The following SRP72 variants were observed in gnomAD, a reference collection of about 807,000 sequenced individuals.
SRP72 encodes signal recognition particle subunit SRP72.
Under a neutral mutation model 96.3 loss-of-function variants are expected in SRP72, and 49 were observed. The observed-to-expected ratio is 0.51, with a 90% CI of 0.40 to 0.65. SRP72 has a LOEUF of 0.65. Ranked by LOEUF, SRP72 falls within the 30% of genes least tolerant of loss-of-function variation. The probability of loss-of-function intolerance (pLI) is 0.00; values close to 1 mark genes in which losing one functional copy is unlikely to be tolerated. For missense variants in SRP72, 736 were observed against 793.3 expected, an observed-to-expected ratio of 0.93 and a Z score of 0.87; for synonymous variants, 267 against 275.2, an observed-to-expected ratio of 0.97 and a Z score of 0.30.
intron 3 of SRP72, among the ~76,000 whole-genome samples, chr4:56,472,593 T>C (rs1471561877): frequency 6.6e-6 from 1 of 152,118 alleles, no homozygotes; most frequent in Non-Finnish European, 1.5e-5. Context: ...GTGATTTGCC[T>C]GCCTTGACCT....
chr4:56,473,201 A>G (rs1560675102), intron 3 of SRP72, among the ~76,000 whole-genome samples: 1 of 152,070 alleles, frequency 6.6e-6, no homozygotes, highest in Non-Finnish European at 1.5e-5. Flanking sequence ...GGTAAAGAAA[A>G]TCACTTTTCG....
chr4:56,491,275 A>T (rs73167391), intron 15 of SRP72, among the ~76,000 whole-genome samples, 156 bp from the exon 16 acceptor site: 89 of 152,312 alleles, frequency 5.8e-4, no homozygotes, highest in African/African-American at 2.1e-3. Context: ...ATGACTTGTT[A>T]TTGTATAGAA....
chr4:56,500,578 C>T lies in SRP72; in HGVS notation c.1721C>T (p.Pro574Leu). 3 of 1,613,796 alleles carry T rather than the reference C, an allele frequency of 1.9e-6. No individual in the cohort carries two copies. Among genetic ancestry groups the T allele is most frequent in the Non-Finnish European group, 1.7e-6 (2 of 1,179,840 alleles). The change falls in exon 18 of 19, where the codon CCA becomes CTA. Residue 574 changes from proline to leucine, a missense_variant. Physicochemically the swap from Pro to Leu is moderately conservative, Grantham distance 98. This residue lies in a region of SRP72 where 388 missense variants were observed against 431.8 expected (regional missense o/e 0.90). Transcript: ENST00000642900. ...TATGACCCAAAAGTTACCCCAGATC[C>T]AGAAAGATGGCTGCCAATGCGAGAA... ...KNYDPKVTPD[P>L]ERWLPMRERS... is the part of the protein sequence containing the mutation.
At chr4:56,487,424 T>G (rs1359019612) in intron 11 of SRP72, among the ~76,000 whole-genome samples, 1 of 152,196 alleles carries the variant, frequency 6.6e-6, no homozygotes, top group Admixed American at 6.5e-5. Context: ...TATGTTTAGT[T>G]TATTTTTTCA....
At chr4:56,478,124 C>A (rs965258569) in intron 6 of SRP72, among the ~76,000 whole-genome samples, 1 of 149,732 alleles carries the variant, frequency 6.7e-6, no homozygotes, top group Non-Finnish European at 1.5e-5. Context: ...AAACTTGTTA[C>A]CATGTTCTTC....
intron 10 of SRP72, 81 bp downstream of exon 10, chr4:56,484,945 G>T: frequency 1.4e-6 from 2 of 1,478,002 alleles, no homozygotes; most frequent in Non-Finnish European, 1.8e-6. Flanking sequence ...CTACTAGCAT[G>T]TAAATTTAAT....
rs765273848 is a variant in SRP72 at position 56,469,765 on chromosome 4, G to A, written c.222G>A (p.Val74=). The part of the protein sequence containing the change: ...ALNVINTHTK[V]LANNSLSFEK... ...ATGTCATCAATACTCACACCAAAGT[G>A]TTAGCCAAGTAAGTGATTCAGTTAG... Residue 74 remains valine (V), a synonymous_variant, in exon 2 of 19, where the codon GTG becomes GTA. Transcript: ENST00000642900. The A allele has an allele frequency of 2.4e-5, 38 of 1,606,424 alleles. No homozygotes were observed. Among genetic ancestry groups the A allele is most frequent in the Middle Eastern group, 1.7e-4 (1 of 6,038 alleles).
chr4:56,468,963 C>T (rs1472834335), intron 1 of SRP72, among the ~76,000 whole-genome samples: 1 of 152,200 alleles, frequency 6.6e-6, no homozygotes, highest in Non-Finnish European at 1.5e-5. Flanking sequence ...GTCATTTTAA[C>T]ACCGAACAGT....
chr4:56,473,634 G>C (rs552898412), intron 3 of SRP72, among the ~76,000 whole-genome samples: 1 of 151,130 alleles, frequency 6.6e-6, no homozygotes, highest in Non-Finnish European at 1.5e-5. Flanking sequence ...GCATGGTGGC[G>C]CACGTCTGTA....
At chr4:56,497,718 G>A (rs1223205669) in intron 17 of SRP72, among the ~76,000 whole-genome samples, 1 of 150,960 alleles carries the variant, frequency 6.6e-6, no homozygotes, top group African/African-American at 2.4e-5. Context: ...GTATCTCTTG[G>A]GTTTCTGCAG....
chr4:56,489,646 A>G (rs1720838104), intron 13 of SRP72, among the ~76,000 whole-genome samples, 163 bp downstream of exon 13: 1 of 152,222 alleles, frequency 6.6e-6, no homozygotes, highest in South Asian at 2.1e-4. Context: ...GATCCAAATT[A>G]AGTTATTAGA....
intron 17 of SRP72, among the ~76,000 whole-genome samples, chr4:56,497,376 C>T (rs569589352): frequency 1.3e-4 from 20 of 151,866 alleles, no homozygotes; most frequent in South Asian, 6.2e-4. Flanking sequence ...TACCCCACCA[C>T]GCCCAGCTAA....
intron 8 of SRP72, among the ~76,000 whole-genome samples, chr4:56,481,811 G>C (rs1489039728): frequency 1.5e-5 from 2 of 133,508 alleles, no homozygotes; most frequent in Non-Finnish European, 3.1e-5. Context: ...TCGCTCTCTT[G>C]CCCAGGCTGG....
intron 6 of SRP72, 75 bp downstream of exon 6, chr4:56,476,777 A>T: frequency 6.7e-7 from 1 of 1,483,644 alleles, no homozygotes; most frequent in Non-Finnish European, 9.3e-7. Context: ...TCATTGTACT[A>T]TTTATTGACT....
rs769581788 is a variant in SRP72, at chr4:56,471,702, T to G, written c.231-18T>G. 1 of 1,611,468 alleles carries G rather than the reference T, an allele frequency of 6.2e-7. No homozygotes were observed. ...TTGTTAGATAATAATCAGATACTGT[T>G]TTTTTTTCCTTCTTCAGTAACTCTC... On this transcript the variant is annotated intron_variant, in intron 2 of 18. Transcript: ENST00000642900.
At chr4:56,479,668 A>G (rs1233031566) in intron 8 of SRP72, among the ~76,000 whole-genome samples, 1 of 151,310 alleles carries the variant, frequency 6.6e-6, no homozygotes, top group Non-Finnish European at 1.5e-5. Context: ...ATTTGTAGAG[A>G]CAGAGTCTTG....
intron 1 of SRP72, 83 bp from the exon 2 acceptor site, chr4:56,469,570 C>A: frequency 1.5e-6 from 2 of 1,345,756 alleles, no homozygotes; most frequent in Non-Finnish European, 2.0e-6. Context: ...ATTTAGCTTT[C>A]GGAGAGACAG....
intron 8 of SRP72, among the ~76,000 whole-genome samples, chr4:56,480,124 C>T (rs978196828): frequency 2.6e-5 from 4 of 152,138 alleles, no homozygotes; most frequent in African/African-American, 9.7e-5. Flanking sequence ...TAGATAATGG[C>T]ATTAAAAGGG....
chr4:56,480,380 CA>C (rs1720436134), intron 8 of SRP72, among the ~76,000 whole-genome samples: 1 of 152,176 alleles, frequency 6.6e-6, no homozygotes, highest in African/African-American at 2.4e-5. Context: ...ATGCCTCAGC[CA>C]CCCGAGTAGC....
Sources: allele counts gnomAD v4.1 joint callset (sites outside exome capture counted in the v4.1 genomes callset), GRCh38; gene constraint gnomAD v4.1.1; regional missense constraint gnomAD v4.1.1; transcripts MANE v1.5; gene names NCBI Gene and HGNC (gene_info 2026-07-23, HGNC 2026-07-21).